Variants in MCF2L observed in about 807,000 individuals in gnomAD.
The protein encoded by MCF2L is MCF.2 cell line derived transforming sequence like.
MCF2L carries 97 observed loss-of-function variants against 153.4 expected under a neutral mutation model. The observed-to-expected ratio is 0.63, with a 90% confidence interval of 0.54 to 0.75. The LOEUF (loss-of-function observed/expected upper bound fraction) is 0.75. Ranked by LOEUF, MCF2L falls within the 30% of genes least tolerant of loss-of-function variation. MCF2L has a pLI of 0.00. For synonymous variants in MCF2L, 659 were observed against 632.2 expected, an observed-to-expected ratio of 1.04 and a Z score of -0.64; for missense variants, 1,347 against 1,495.2, an observed-to-expected ratio of 0.90 and a Z score of 1.64.
intron 1 of MCF2L, among the ~76,000 whole-genome samples, chr13:112,896,144 G>A (rs989177123): frequency 3.3e-5 from 5 of 152,204 alleles, no homozygotes; most frequent in African/African-American, 1.2e-4. Flanking sequence ...GGGCCTGCAG[G>A]CACAGCCAGG....
chr13:112,944,138 C>G (rs990785869), intron 2 of MCF2L, among the ~76,000 whole-genome samples: 7 of 147,600 alleles, frequency 4.7e-5, no homozygotes, highest in Non-Finnish European at 7.5e-5. Context: ...GGGGAAGATC[C>G]TAGGCCGTGA....
At chr13:113,057,814 GTGTT>G (rs560376529) in intron 4 of MCF2L, among the ~76,000 whole-genome samples, 279 of 149,618 alleles carry the variant, frequency 1.9e-3, no homozygotes, top group African/African-American at 6.2e-3. Flanking sequence ...TGGGTGCTGA[GTGTT>G]TGGGCACTGT....
At chr13:112,903,906 G>A (rs1317395) in intron 2 of MCF2L, among the ~76,000 whole-genome samples, 89,227 of 152,046 alleles carry the variant, frequency 0.59, 26,870 homozygotes, top group East Asian at 0.77. Context: ...CAGCTTAGCT[G>A]TTGTGCAGGG....
chr13:113,027,163 G>A lies in MCF2L; in HGVS notation c.278+2405G>A. The A allele has an allele frequency of 1.5e-6, 1 of 670,682 alleles. No individual in the cohort carries two copies. The highest frequency in any genetic ancestry group is 2.7e-6 in the Non-Finnish European group (1 of 367,696). The allele number at this position is 670,682 out of a possible 1,614,324, so 41.5% of individuals were successfully genotyped here. ...AAAGTGCAGCCGTGGCCATTACCGT[G>A]AAGGTTCTTCATTCTTCAGTCTTTA... On this transcript the variant is annotated intron_variant, in intron 3 of 29. Transcript: ENST00000535094. This position sits in a 1 kb window ranked among gnomAD's most constrained non-coding sequence, Gnocchi z 4.8.
chr13:113,092,671 C>A (rs2035317863), intron 26 of MCF2L, among the ~76,000 whole-genome samples: 2 of 152,378 alleles, frequency 1.3e-5, no homozygotes, highest in South Asian at 4.1e-4. Context: ...CGGCCTCCTG[C>A]CTTCACACAG....
In MCF2L at chr13:112,955,518, A is replaced by C. The variant is rs183155312; in HGVS notation, c.169+53147A>C. Among the ~76,000 whole-genome samples, 38 of 152,230 alleles carry C rather than the reference A, an allele frequency of 2.5e-4. No individual in the cohort carries two copies. In the East Asian group the frequency reaches 4.8e-3, roughly 19 times the overall value. Reference sequence around the variant, plus strand: ...TCAATTATATGCATTTAATCCTCGAAATAACCCACAAGGTGGGGACTTTGT... The same window carrying C: ...TCAATTATATGCATTTAATCCTCGACATAACCCACAAGGTGGGGACTTTGT... On this transcript the variant is annotated intron_variant, in intron 2 of 29. Transcript: ENST00000375608.
At chr13:112,894,762 C>T (rs1001441985) in intron 1 of MCF2L, among the ~76,000 whole-genome samples, 3 of 152,158 alleles carry the variant, frequency 2.0e-5, no homozygotes, top group African/African-American at 4.8e-5. Flanking sequence ...GGTGTCACCC[C>T]CTGGACGGGC....
chr13:113,072,224 G>T (rs2032988592), intron 9 of MCF2L, among the ~76,000 whole-genome samples: 1 of 152,116 alleles, frequency 6.6e-6, no homozygotes, highest in Non-Finnish European at 1.5e-5. Flanking sequence ...TATTTGAGAT[G>T]GTTTTTTGTG....
intron 2 of MCF2L, 133 bp from the exon 3 acceptor site, chr13:113,024,511 A>C: frequency 1.7e-6 from 1 of 602,214 alleles, no homozygotes; most frequent in Non-Finnish European, 3.1e-6. Flanking sequence ...TTCAAATAAA[A>C]ATTATGCAAC....
chr13:113,095,798 G>A (rs1056273844), intron 27 of MCF2L: 1 of 999,454 alleles, frequency 1.0e-6, no homozygotes, highest in Non-Finnish European at 1.2e-6. Context: ...CCGCTTCCTG[G>A]GTCCCCATTC....
At chr13:113,025,214 G>A (rs1409061578) in intron 3 of MCF2L, among the ~76,000 whole-genome samples, 2 of 114,224 alleles carry the variant, frequency 1.8e-5, no homozygotes, top group Non-Finnish European at 3.7e-5. Context: ...TGGGGTCCCC[G>A]TGACTGTGGG....
intron 1 of MCF2L, chr13:112,979,683 G>C (rs2082333643): frequency 6.2e-7 from 1 of 1,612,992 alleles, no homozygotes; most frequent in East Asian, 2.2e-5. Context: ...CGAGAAGGGA[G>C]CATCCCGGGG....
chr13:112,922,659 C>A lies in MCF2L; in HGVS notation c.169+20288C>A, dbSNP rs2081364198. ...ACCAGCCTGGGCTAAACGGTGAAAC[C>A]CTGTCTCTACTAAAACACAGAAGAA... On this transcript the variant is annotated intron_variant, in intron 2 of 29. Transcript: ENST00000375608. 1.3e-5 allele frequency among the ~76,000 whole-genome samples: 2 copies of A among 152,320 alleles called. 1 individual carries two copies. The highest frequency in any genetic ancestry group is 4.1e-4 in the South Asian group (2 of 4,826).
chr13:113,067,029 C>T (rs558549421), intron 8 of MCF2L, among the ~76,000 whole-genome samples: 53 of 152,378 alleles, frequency 3.5e-4, no homozygotes, highest in South Asian at 1.9e-3. Context: ...CCGTGACCCA[C>T]GAGGCAGAGG....
chr13:112,994,527 A>C (rs1206451031), intron 1 of MCF2L, among the ~76,000 whole-genome samples: 1 of 152,052 alleles, frequency 6.6e-6, no homozygotes, highest in Admixed American at 6.5e-5. Flanking sequence ...TATGGGTGAA[A>C]ATATTTTCAG....
At chr13:112,968,583 C>T (rs1255095605), upstream of MCF2L, 1 of 1,540,740 alleles carries the variant, frequency 6.5e-7, no homozygotes, top group Admixed American at 1.9e-5. Context: ...AGCCACGGAC[C>T]CACGCATGGA....
In MCF2L at chr13:112,932,477, C is replaced by T. The variant is rs1259081345; in HGVS notation, c.169+30106C>T. 6.6e-6 allele frequency among the ~76,000 whole-genome samples: 1 copy of T among 152,152 alleles called. No homozygotes were observed. Among genetic ancestry groups the T allele is most frequent in the Non-Finnish European group, 1.5e-5 (1 of 68,030 alleles). The stretch of plus-strand genomic sequence containing the variant: ...TATATTAGGCAAAAACTGTGGAAAC[C>T]TGAATAAACTGTGCATAGTTAATAA... On this transcript the variant is annotated intron_variant, in intron 2 of 29. Transcript: ENST00000375608. This position sits in a 1 kb window ranked among gnomAD's most constrained non-coding sequence, Gnocchi z 4.6.
rs2086766335 is a variant in MCF2L at position 113,045,651 on chromosome 13, A to G, written c.369+290A>G. 8.0e-6 allele frequency: 4 copies of G among 497,908 alleles called. No individual in the cohort carries two copies. Among genetic ancestry groups the G allele is most frequent in the Non-Finnish European group, 1.5e-5 (4 of 274,584 alleles). 30.8% of individuals were successfully genotyped at this position (497,908 alleles called of 1,614,324 possible). ...TATGTTTCCGAACACCAAGTCTGAGATGCTCGGGACTGAATATGCCTCTTA... is the reference window on the plus strand; with the variant it reads ...TATGTTTCCGAACACCAAGTCTGAGGTGCTCGGGACTGAATATGCCTCTTA... On this transcript the variant is annotated intron_variant, in intron 4 of 29. Transcript: ENST00000535094. This position sits in a 1 kb window ranked among gnomAD's most constrained non-coding sequence, Gnocchi z 4.2.
chr13:113,091,037 A>G, intron 26 of MCF2L: 3 of 1,292,242 alleles, frequency 2.3e-6, no homozygotes, highest in Non-Finnish European at 3.0e-6. Context: ...TTCCAGCACG[A>G]GCGCGGGTCA....
Sources: allele counts gnomAD v4.1 joint callset (sites outside exome capture counted in the v4.1 genomes callset), GRCh38; gene constraint gnomAD v4.1.1; non-coding constraint Gnocchi (gnomAD v3.1); transcripts MANE v1.5; gene names NCBI Gene and HGNC (gene_info 2026-07-23, HGNC 2026-07-21).